The following GALNT14 variants were observed in gnomAD, a reference collection of about 807,000 sequenced individuals.
GALNT14 encodes the protein UDP-GalNAc:polypeptide N-acetylgalactosaminyltransferase 14.
A neutral mutation model predicts 77.5 loss-of-function variants in GALNT14; 60 were observed. The observed-to-expected ratio is 0.77, with a 90% CI of 0.63 to 0.96. The LOEUF (loss-of-function observed/expected upper bound fraction) is 0.96, where lower values mean the gene tolerates loss of function less well. Ranked by LOEUF, GALNT14 falls within the 40% of genes least tolerant of loss-of-function variation. The pLI is 0.00. For missense variants in GALNT14, 710 were observed against 731.0 expected (o/e 0.97, Z 0.33); for synonymous variants, 280 against 281.7 (o/e 0.99, Z 0.06).
chr2:30,929,339 C>T, intron 11 of GALNT14, 56 bp downstream of exon 11: 1 of 1,407,264 alleles, frequency 7.1e-7, no homozygotes, highest in Non-Finnish European at 1.0e-6. Context: ...TGCATCGGTC[C>T]TAGGAGCTGG....
At chr2:30,931,719 C>A (rs1300643308) in intron 10 of GALNT14, among the ~76,000 whole-genome samples, 7 of 152,132 alleles carry the variant, frequency 4.6e-5, no homozygotes, top group Admixed American at 2.6e-4. Context: ...TCTTCTAGAA[C>A]TCCAAAGTAA....
At chr2:31,022,429 G>T (rs1671776417) in intron 1 of GALNT14, among the ~76,000 whole-genome samples, 1 of 152,146 alleles carries the variant, frequency 6.6e-6, no homozygotes, top group Non-Finnish European at 1.5e-5. Context: ...CATTATGCAG[G>T]CCTACATTCT....
At chr2:30,916,341 C>T (rs1664676240) in intron 13 of GALNT14, among the ~76,000 whole-genome samples, 1 of 152,226 alleles carries the variant, frequency 6.6e-6, no homozygotes, top group Non-Finnish European at 1.5e-5. Flanking sequence ...TCTCTTCTTT[C>T]CCAGTTCATC....
At chr2:31,034,229 T>C (rs953764280) in intron 1 of GALNT14, among the ~76,000 whole-genome samples, 18 of 152,210 alleles carry the variant, frequency 1.2e-4, no homozygotes, top group African/African-American at 3.6e-4. Context: ...TACGCCACTA[T>C]TCCACTCTAG....
At chr2:31,035,132 A>T (rs777111311) in intron 1 of GALNT14, among the ~76,000 whole-genome samples, 14 of 152,190 alleles carry the variant, frequency 9.2e-5, no homozygotes, top group Non-Finnish European at 1.5e-4. Context: ...TTGTTCAAGT[A>T]GTTTGTAGTA....
chr2:31,138,422 C>T lies in GALNT14; in HGVS notation c.-336G>A, dbSNP rs567596064. ...GCCGCCGCCGCCGCCGCCTTGCCCG[C>T]TGCCGCCGATAGGGAAACTGACTCG... is the stretch of plus-strand genomic sequence containing the variant. On this transcript the variant is annotated 5_prime_UTR_variant, in exon 1 of 15. Transcript: ENST00000349752. The T allele has an allele frequency of 1.7e-4, 56 of 337,902 alleles. 1 individual carries two copies. The South Asian group carries it at 1.7e-3, about 10-fold the overall frequency. The allele number at this position is 337,902 out of a possible 1,614,324, so 20.9% of individuals were successfully genotyped here.
At chr2:30,914,057 G>GGCT (rs1430080038) in intron 13 of GALNT14, among the ~76,000 whole-genome samples, 10 of 152,272 alleles carry the variant, frequency 6.6e-5, no homozygotes, top group African/African-American at 1.4e-4. Flanking sequence ...GCAATGACCA[G>GGCT]GCTGCTGCTG....
chr2:30,976,849 C>T (rs1573075289), intron 2 of GALNT14, among the ~76,000 whole-genome samples: 2 of 152,120 alleles, frequency 1.3e-5, no homozygotes, highest in Admixed American at 6.5e-5. Flanking sequence ...CACTCTGTCT[C>T]AGGTATTCTT....
intron 1 of GALNT14, among the ~76,000 whole-genome samples, chr2:31,131,262 G>C (rs1678979625): frequency 6.6e-6 from 1 of 152,204 alleles, no homozygotes; most frequent in Admixed American, 6.5e-5. Flanking sequence ...TGCAGCATGA[G>C]TCTCTGAGGA....
At position 30,912,238 on chromosome 2, in the gene GALNT14, A is replaced by C; in HGVS notation, c.1485T>G (p.Asn495Lys). The change falls in exon 14 of 15, where the codon AAT becomes AAG. Residue 495 changes from asparagine (N) to lysine (K), a missense_variant. Asn to Lys is a moderately conservative substitution (Grantham distance 94). Transcript: ENST00000349752. The part of the protein sequence containing the change: ...GAPVVLVLCK[N>K]GDDRQQWTKT... ...GAGCACTTACCTGTCGGTCATCTCC[A>C]TTCTTGCAAAGGACAAGAACCACTG... 2 of 1,614,162 alleles carry C rather than the reference A, an allele frequency of 1.2e-6. No homozygotes were observed. The highest frequency in any genetic ancestry group is 1.7e-6 in the Non-Finnish European group (2 of 1,180,014).
chr2:31,072,304 T>C (rs6761887), intron 1 of GALNT14, among the ~76,000 whole-genome samples: 691 of 37,744 alleles, frequency 0.018, 7 homozygotes, highest in Middle Eastern at 0.032. Context: ...CACACACACA[T>C]ACACACACAC....
intron 1 of GALNT14, among the ~76,000 whole-genome samples, chr2:31,085,012 A>G (rs12712309): frequency 0.62 from 94,361 of 151,324 alleles, 30,748 homozygotes; most frequent in African/African-American, 0.82. Flanking sequence ...GGGTGACAGA[A>G]CGAGACTCCA....
chr2:31,100,622 CT>C (rs2148612763), intron 1 of GALNT14, among the ~76,000 whole-genome samples: 1 of 151,712 alleles, frequency 6.6e-6, no homozygotes, highest in Non-Finnish European at 1.5e-5. Flanking sequence ...GATCCTTGTT[CT>C]TTAGTGATAA....
At chr2:30,984,583 C>T (rs780881798) in intron 2 of GALNT14, among the ~76,000 whole-genome samples, 1 of 152,146 alleles carries the variant, frequency 6.6e-6, no homozygotes, top group African/African-American at 2.4e-5. Flanking sequence ...TCCATTCCTC[C>T]CCTCCATCAT....
rs1676822055 is a variant in GALNT14 at position 31,092,871 on chromosome 2, T to C, written c.129+45087A>G. 2.6e-5 allele frequency among the ~76,000 whole-genome samples: 4 copies of C among 152,200 alleles called. No homozygotes were observed. The South Asian group carries it at 8.3e-4, about 32-fold the overall frequency. ...AGTAATTGTGGTTTGGGCCATTACTTTTAATGGCAAAAATTGCAATTACTT... is the reference window on the plus strand; with the variant it reads ...AGTAATTGTGGTTTGGGCCATTACTCTTAATGGCAAAAATTGCAATTACTT... On this transcript the variant is annotated intron_variant, in intron 1 of 14. Transcript: ENST00000349752.
chr2:30,930,506 T>C (rs576641779), intron 10 of GALNT14, among the ~76,000 whole-genome samples: 1 of 152,252 alleles, frequency 6.6e-6, no homozygotes, highest in African/African-American at 2.4e-5. Context: ...AGACAGACAC[T>C]AAGGATCCCT....
In GALNT14 at chr2:30,977,092, C is replaced by CTTTTTTTTTTTTTTTTT. The variant is rs11314175; in HGVS notation, c.300-10791_300-10790insAAAAAAAAAAAAAAAAA. ...CTTTATTCCATATTGGCTTTTCTGT[C>CTTTTTTTTTTTTTTTTT]TTTTTTTTTTTTTTTGAGACAGGGT... On this transcript the variant is annotated intron_variant, in intron 2 of 14. Transcript: ENST00000349752. Among the ~76,000 whole-genome samples the CTTTTTTTTTTTTTTTTT allele has an allele frequency of 4.1e-4, 56 of 135,106 alleles. 2 individuals carry two copies. The highest frequency in any genetic ancestry group is 1.7e-3 in the African/African-American group (54 of 32,600). 88.6% of individuals were successfully genotyped at this position (135,106 alleles called of 152,430 possible). A position where few individuals can be genotyped will look rare whatever the true frequency, so the allele number is the denominator to read the frequency against.
chr2:31,031,877 G>A (rs1189526782), intron 1 of GALNT14, among the ~76,000 whole-genome samples: 3 of 152,108 alleles, frequency 2.0e-5, no homozygotes, highest in Admixed American at 6.5e-5. Flanking sequence ...ACAAAATGCT[G>A]GGATACAGTG....
At chr2:31,094,477 A>G (rs1351533899) in intron 1 of GALNT14, among the ~76,000 whole-genome samples, 1 of 152,230 alleles carries the variant, frequency 6.6e-6, no homozygotes, top group Non-Finnish European at 1.5e-5. Context: ...TTTGGAGGCC[A>G]TAACTGTTTG....
Sources: allele counts gnomAD v4.1 joint callset (sites outside exome capture counted in the v4.1 genomes callset), GRCh38; gene constraint gnomAD v4.1.1; transcripts MANE v1.5; gene names NCBI Gene and HGNC (gene_info 2026-07-23, HGNC 2026-07-21).